Variants in FRMD1 observed in about 807,000 individuals in gnomAD.
FRMD1 encodes FERM domain containing 1.
Under a neutral mutation model 54.9 loss-of-function variants are expected in FRMD1, and 51 were observed. The observed-to-expected ratio is 0.93, with a 90% confidence interval of 0.74 to 1.17. FRMD1 has a LOEUF of 1.17. FRMD1 is among the 50% of genes most tolerant of loss of function. The pLI is 0.00. For synonymous variants in FRMD1, 324 were observed against 306.4 expected, an observed-to-expected ratio of 1.06 and a Z score of -0.60; for missense variants, 729 against 743.0, an observed-to-expected ratio of 0.98 and a Z score of 0.22.
rs200870764 is a variant in FRMD1 at position 168,063,698 on chromosome 6, T to C, written c.707A>G (p.Glu236Gly). ...CTCCTTGGGGCTCAGGCCCTGGCGCTCACGGTGCAGGGTAGGCATGTGCCG... is the reference window on the plus strand; with the variant it reads ...CTCCTTGGGGCTCAGGCCCTGGCGCCCACGGTGCAGGGTAGGCATGTGCCG... ...ILRHMPTLHR[E>G]RQGLSPKEAM... Residue 236 changes from glutamate (E) to glycine (G), a missense_variant, in exon 6 of 11, where the codon GAG (glutamate) becomes GGG (glycine). Transcript: ENST00000283309. The C allele has an allele frequency of 5.7e-5, 92 of 1,613,770 alleles. No individual in the cohort carries two copies. Among genetic ancestry groups the C allele is most frequent in the Non-Finnish European group, 7.4e-5 (87 of 1,179,890 alleles).
intron 1 of FRMD1, among the ~76,000 whole-genome samples, chr6:168,091,622 G>A (rs1352596574): frequency 6.6e-6 from 1 of 152,226 alleles, no homozygotes; most frequent in Non-Finnish European, 1.5e-5. Flanking sequence ...TGCATTTGGC[G>A]GGGCCCCAGC....
upstream of FRMD1, among the ~76,000 whole-genome samples, chr6:168,085,744 ATAG>A (rs1583213565): frequency 5.2e-4 from 77 of 148,082 alleles, no homozygotes; most frequent in East Asian, 7.9e-4. Context: ...TCGCCCAGCC[ATAG>A]CATCCAAAGC....
intron 1 of FRMD1, among the ~76,000 whole-genome samples, chr6:168,086,709 G>A (rs76504048): frequency 6.6e-6 from 1 of 151,940 alleles, no homozygotes; most frequent in South Asian, 2.1e-4. Context: ...CCCTTGGGCC[G>A]TCGTCTGTCA....
At chr6:168,076,155 C>T (rs1325150362) in intron 1 of FRMD1, among the ~76,000 whole-genome samples, 1 of 152,174 alleles carries the variant, frequency 6.6e-6, no homozygotes, top group Non-Finnish European at 1.5e-5. Flanking sequence ...AAGCCTGTGA[C>T]GGAGGGTGCA....
chr6:168,085,455 A>C (rs1800901348), upstream of FRMD1, among the ~76,000 whole-genome samples: 1 of 152,074 alleles, frequency 6.6e-6, no homozygotes, highest in African/African-American at 2.4e-5. Context: ...GCCTCTGGGC[A>C]CTCCAGCCCC....
At chr6:168,058,114 T>C (rs1271791049) in intron 10 of FRMD1, among the ~76,000 whole-genome samples, 1 of 152,182 alleles carries the variant, frequency 6.6e-6, no homozygotes, top group Non-Finnish European at 1.5e-5. Context: ...TGCCAGGACT[T>C]GCAGCCTCCC....
At chr6:168,079,562 G>T (rs1800769404), upstream of FRMD1, among the ~76,000 whole-genome samples, 1 of 152,224 alleles carries the variant, frequency 6.6e-6, no homozygotes, top group Non-Finnish European at 1.5e-5. Flanking sequence ...GCAGGACGAG[G>T]AGGGCGGGAG....
intron 2 of FRMD1, among the ~76,000 whole-genome samples, chr6:168,068,704 C>A (rs1419450486): frequency 1.3e-5 from 2 of 152,224 alleles, no homozygotes; most frequent in Non-Finnish European, 2.9e-5. Context: ...AGAAAACCTG[C>A]AGTCCTGAGA....
intron 4 of FRMD1, chr6:168,066,165 T>C (rs902427162): frequency 5.1e-6 from 5 of 986,404 alleles, no homozygotes; most frequent in Non-Finnish European, 6.0e-6. Flanking sequence ...CCCCGGATGG[T>C]ATACCCACCC....
At chr6:168,061,116 C>T in intron 8 of FRMD1, 59 bp from the exon 9 acceptor site, 1 of 1,526,842 alleles carries the variant, frequency 6.5e-7, no homozygotes, top group East Asian at 2.3e-5. Flanking sequence ...CCTGCTGATG[C>T]AGGAGGAAGA....
At position 168,059,023 on chromosome 6, in the gene FRMD1, C is replaced by A. The variant is rs1799570024; in HGVS notation, c.1407+101G>T. ...CTGGGGATGTCAGTCGAGGGACCCT[C>A]TGATAGGCCTAGGAAGGTCCCCAGG... is the stretch of plus-strand genomic sequence containing the variant. On this transcript the variant is annotated intron_variant, in intron 10 of 10. Coordinates refer to ENST00000283309, the MANE Select transcript of FRMD1 (RefSeq NM_024919.6). This position sits in a 1 kb window ranked among gnomAD's most constrained non-coding sequence, Gnocchi z 4.4. 1.1e-6 allele frequency: 1 copy of A among 895,392 alleles called. No homozygotes were observed. The highest frequency in any genetic ancestry group is 2.7e-5 in the East Asian group (1 of 37,470). The allele number at this position is 895,392 out of a possible 1,614,324, so 55.5% of individuals were successfully genotyped here. A position where few individuals can be genotyped will look rare whatever the true frequency, so the allele number is the denominator to read the frequency against.
intron 7 of FRMD1, 29 bp from the exon 8 acceptor site, chr6:168,062,010 C>G (rs767161204): frequency 3.2e-6 from 5 of 1,566,942 alleles, no homozygotes; most frequent in Non-Finnish European, 4.3e-6. Flanking sequence ...AGTTGCCACT[C>G]CACAGGTGGA....
At chr6:168,084,722 G>T (rs1424048194), upstream of FRMD1, among the ~76,000 whole-genome samples, 2 of 152,230 alleles carry the variant, frequency 1.3e-5, no homozygotes, top group African/African-American at 2.4e-5. Flanking sequence ...GCGGAATTTT[G>T]TAGGGAAAAA....
chr6:168,081,635 T>C, upstream of FRMD1: 1 of 968,904 alleles, frequency 1.0e-6, no homozygotes, highest in East Asian at 2.7e-5. Context: ...GAAAACAATG[T>C]GGGAATGCTG....
chr6:168,071,815 G>A (rs1490397), intron 2 of FRMD1, among the ~76,000 whole-genome samples: 113,133 of 152,156 alleles, frequency 0.74, 42,154 homozygotes, highest in Middle Eastern at 0.82. Flanking sequence ...AGTGGGAGCT[G>A]TTCCAGGCCA....
intron 2 of FRMD1, among the ~76,000 whole-genome samples, chr6:168,067,862 C>A (rs766029930): frequency 3.3e-5 from 5 of 151,644 alleles, no homozygotes; most frequent in Non-Finnish European, 5.9e-5. Context: ...GTAATCTCAG[C>A]AATTTTGGAG....
At chr6:168,080,724 G>T (rs910090536), upstream of FRMD1, among the ~76,000 whole-genome samples, 3 of 152,174 alleles carry the variant, frequency 2.0e-5, no homozygotes, top group East Asian at 5.8e-4. Context: ...AGGACCCCTC[G>T]GTGGGGAGAG....
intron 1 of FRMD1, among the ~76,000 whole-genome samples, chr6:168,089,571 A>C (rs776864161): frequency 6.6e-6 from 1 of 152,216 alleles, no homozygotes; most frequent in African/African-American, 2.4e-5. Flanking sequence ...GTTTACCGTC[A>C]CTGTGCACAG....
chr6:168,065,903 G>A, intron 4 of FRMD1: 1 of 1,000,254 alleles, frequency 1.0e-6, no homozygotes. Context: ...ACGCACCCCT[G>A]AAGCTCTGTT....
Sources: gnomAD v4.1 joint callset for allele counts (sites outside exome capture counted in the v4.1 genomes callset) on GRCh38, gnomAD v4.1.1 for gene constraint, Gnocchi (gnomAD v3.1) non-coding constraint, MANE v1.5 for transcripts, NCBI Gene and HGNC (gene_info 2026-07-23, HGNC 2026-07-21) for gene names.